The following CACNA2D3 variants were observed in gnomAD, a reference collection of about 807,000 sequenced individuals.
CACNA2D3 encodes the protein voltage-dependent calcium channel subunit alpha-2/delta-3.
CACNA2D3 carries 60 observed loss-of-function variants against 160.6 expected under a neutral mutation model. The observed-to-expected ratio is 0.37, with a 90% CI of 0.30 to 0.46. The LOEUF is 0.46. Ranked by LOEUF, CACNA2D3 falls within the 20% of genes least tolerant of loss-of-function variation. The probability of loss-of-function intolerance (pLI) is 1.00; values close to 1 mark genes in which losing one functional copy is unlikely to be tolerated. For missense variants in CACNA2D3, 1,205 were observed against 1,365.0 expected, an observed-to-expected ratio of 0.88 and a Z score of 1.85; for synonymous variants, 558 against 492.9, an observed-to-expected ratio of 1.13 and a Z score of -1.75.
chr3:54,223,119 T>C (rs1386340264), intron 2 of CACNA2D3, among the ~76,000 whole-genome samples: 1 of 152,218 alleles, frequency 6.6e-6, no homozygotes, highest in Admixed American at 6.5e-5. Context: ...ACAAAGTGCA[T>C]ATTTAACTAG....
chr3:54,274,215 C>CATATATATATATATATATATAT (rs148715563), intron 2 of CACNA2D3, among the ~76,000 whole-genome samples: 2 of 149,898 alleles, frequency 1.3e-5, no homozygotes, highest in Non-Finnish European at 3.0e-5. Flanking sequence ...GATTTCTATG[C>CATATATATATATATATATATAT]ATATATATAT....
intron 11 of CACNA2D3, among the ~76,000 whole-genome samples, chr3:54,685,611 A>T (rs547380370): frequency 4.6e-5 from 7 of 152,328 alleles, no homozygotes; most frequent in Admixed American, 3.3e-4. Context: ...TTGACTAGCA[A>T]TGTAATCTTA....
chr3:54,509,057 G>A (rs747061574), intron 5 of CACNA2D3, among the ~76,000 whole-genome samples: 4 of 152,148 alleles, frequency 2.6e-5, no homozygotes, highest in Non-Finnish European at 4.4e-5. Flanking sequence ...TTTTTCAAAT[G>A]TTGAGCTTGA....
chr3:54,377,505 A>G (rs1026355422), intron 3 of CACNA2D3, among the ~76,000 whole-genome samples: 4 of 152,034 alleles, frequency 2.6e-5, no homozygotes, highest in African/African-American at 9.7e-5. Flanking sequence ...CTCTTCCTCT[A>G]CCCTGTCTTA....
intron 4 of CACNA2D3, among the ~76,000 whole-genome samples, chr3:54,403,652 A>G (rs1699514667): frequency 6.6e-6 from 1 of 152,176 alleles, no homozygotes; most frequent in Non-Finnish European, 1.5e-5. Flanking sequence ...TAAAAATCAG[A>G]ACAGAAATAA....
intron 2 of CACNA2D3, among the ~76,000 whole-genome samples, chr3:54,249,121 A>G (rs1052965577): frequency 6.6e-6 from 1 of 152,272 alleles, no homozygotes; most frequent in Middle Eastern, 3.4e-3. Flanking sequence ...ATCCCTTTCT[A>G]GTGTTGGATT....
intron 4 of CACNA2D3, among the ~76,000 whole-genome samples, chr3:54,444,985 G>A (rs1700198274): frequency 6.6e-6 from 1 of 152,184 alleles, no homozygotes; most frequent in African/African-American, 2.4e-5. Flanking sequence ...CCCTTAAACA[G>A]AGTGAGCCTC....
At chr3:54,705,722 A>G (rs1031355102) in intron 11 of CACNA2D3, among the ~76,000 whole-genome samples, 6 of 152,238 alleles carry the variant, frequency 3.9e-5, no homozygotes, top group Admixed American at 3.9e-4. Context: ...TGATATAATT[A>G]TAGCATAATA....
At chr3:54,142,513 C>T (rs747922351) in intron 2 of CACNA2D3, among the ~76,000 whole-genome samples, 3 of 152,152 alleles carry the variant, frequency 2.0e-5, no homozygotes, top group Non-Finnish European at 4.4e-5. Context: ...TGGGCCCTTT[C>T]CTCAGCTCCA....
At chr3:54,561,910 A>G (rs1575347001) in intron 5 of CACNA2D3, among the ~76,000 whole-genome samples, 1 of 152,170 alleles carries the variant, frequency 6.6e-6, no homozygotes, top group South Asian at 2.1e-4. Flanking sequence ...GCAAAGGAGG[A>G]GCAAAGGCAC....
intron 35 of CACNA2D3, among the ~76,000 whole-genome samples, chr3:55,067,332 A>G (rs754704263): frequency 4.6e-5 from 7 of 152,142 alleles, no homozygotes; most frequent in Non-Finnish European, 8.8e-5. Context: ...CAAAAGAACC[A>G]CACTAGCCTG....
chr3:54,252,826 G>C (rs141927766), intron 2 of CACNA2D3, among the ~76,000 whole-genome samples: 2 of 152,288 alleles, frequency 1.3e-5, no homozygotes, highest in African/African-American at 4.8e-5. Context: ...GGGGTGTTGA[G>C]GCCGGGAAGT....
chr3:54,650,799 C>T (rs1421308294), intron 11 of CACNA2D3, among the ~76,000 whole-genome samples: 1 of 152,176 alleles, frequency 6.6e-6, no homozygotes, highest in East Asian at 1.9e-4. Context: ...CTGTGCCTGG[C>T]CCTCAGTGAG....
chr3:54,452,168 C>T (rs1349725084), intron 4 of CACNA2D3, among the ~76,000 whole-genome samples: 2 of 152,196 alleles, frequency 1.3e-5, no homozygotes, highest in Admixed American at 6.5e-5. Context: ...AATGGACCTC[C>T]AGTTCAGCAT....
chr3:54,574,048 A>G (rs1259829332), intron 8 of CACNA2D3, among the ~76,000 whole-genome samples: 1 of 152,130 alleles, frequency 6.6e-6, no homozygotes, highest in Non-Finnish European at 1.5e-5. Context: ...ACGCCCTGCA[A>G]ATCTGTGTGA....
At chr3:54,515,521 T>C (rs1701536519) in intron 5 of CACNA2D3, among the ~76,000 whole-genome samples, 1 of 152,204 alleles carries the variant, frequency 6.6e-6, no homozygotes, top group African/African-American at 2.4e-5. Flanking sequence ...GTGGTGAAAA[T>C]GGCCAACAGT....
At chr3:54,549,280 A>C (rs1339611427) in intron 5 of CACNA2D3, among the ~76,000 whole-genome samples, 1 of 152,252 alleles carries the variant, frequency 6.6e-6, no homozygotes, top group Admixed American at 6.5e-5. Context: ...CCCCGTCTCT[A>C]CTAAAAATAC....
chr3:54,513,079 C>A (rs1029562072), intron 5 of CACNA2D3, among the ~76,000 whole-genome samples: 2 of 152,090 alleles, frequency 1.3e-5, no homozygotes, highest in Admixed American at 6.6e-5. Flanking sequence ...CAGGTCCCTC[C>A]CACAACACAT....
intron 35 of CACNA2D3, among the ~76,000 whole-genome samples, chr3:55,044,768 T>C (rs1704039921): frequency 6.6e-6 from 1 of 152,188 alleles, no homozygotes; most frequent in Non-Finnish European, 1.5e-5. Flanking sequence ...ACATCCTTTA[T>C]CAAGTTAAGG....
Sources: gnomAD v4.1 joint callset for allele counts (sites outside exome capture counted in the v4.1 genomes callset) on GRCh38, gnomAD v4.1.1 for gene constraint, MANE v1.5 for transcripts, NCBI Gene and HGNC (gene_info 2026-07-23, HGNC 2026-07-21) for gene names.